The following DLGAP2 variants were observed in gnomAD, a reference collection of about 807,000 sequenced individuals.
The protein encoded by DLGAP2 is DLG associated protein 2, also known as disks large-associated protein 2.
DLGAP2 carries 26 observed loss-of-function variants against 100.3 expected under a neutral mutation model. The ratio of observed to expected loss-of-function variants is 0.26; its 90% CI spans 0.19 to 0.36. The LOEUF is 0.36. Ranked by LOEUF, DLGAP2 falls within the 10% of genes least tolerant of loss-of-function variation. The pLI is 1.00. For missense variants in DLGAP2, 1,858 were observed against 1,453.2 expected (o/e 1.28, Z -4.53); for synonymous variants, 886 against 630.1 (o/e 1.41, Z -6.08).
chr8:1,687,313 C>T (rs997411802), intron 12 of DLGAP2, among the ~76,000 whole-genome samples: 3 of 152,170 alleles, frequency 2.0e-5, no homozygotes, highest in African/African-American at 7.2e-5. Flanking sequence ...AATCAAATTT[C>T]TTTGTACATG....
intron 2 of DLGAP2, among the ~76,000 whole-genome samples, chr8:973,359 G>C (rs1370823397): frequency 6.6e-6 from 1 of 151,966 alleles, no homozygotes; most frequent in East Asian, 1.9e-4. Flanking sequence ...TCCCAGACGG[G>C]GTGGCTGCCG....
At chr8:1,520,182 G>T (rs1451599263) in intron 4 of DLGAP2, among the ~76,000 whole-genome samples, 2 of 152,196 alleles carry the variant, frequency 1.3e-5, no homozygotes, top group African/African-American at 2.4e-5. Context: ...TGGTTCATCA[G>T]CTATCGATGG....
rs12678439 is a variant in DLGAP2, at chr8:1,028,685, G to C, written c.73+120719G>C. Among the ~76,000 whole-genome samples the C allele has an allele frequency of 2.1e-3, 326 of 152,318 alleles. 2 individuals carry two copies. The highest frequency in any genetic ancestry group is 7.6e-3 in the African/African-American group (316 of 41,578). ...AGCCATCCAGGAGCTAGGGTGTGGA[G>C]ACAAAGGAGGCTGGTGGAGTTAAGA... On this transcript the variant is annotated intron_variant, in intron 2 of 14. Coordinates refer to ENST00000637795, the MANE Select transcript of DLGAP2 (RefSeq NM_001346810.2).
chr8:1,288,304 GGTT>G (rs1292740518), intron 3 of DLGAP2, among the ~76,000 whole-genome samples: 7 of 139,756 alleles, frequency 5.0e-5, no homozygotes, highest in South Asian at 2.4e-4. Context: ...GTGTGTGTGT[GGTT>G]GTTAGGAGGG....
At chr8:1,303,211 C>T (rs919033883) in intron 3 of DLGAP2, among the ~76,000 whole-genome samples, 5 of 152,140 alleles carry the variant, frequency 3.3e-5, no homozygotes, top group African/African-American at 7.2e-5. Context: ...TCCTGGCTAA[C>T]ACGGTGAAAC....
intron 3 of DLGAP2, chr8:1,380,937 C>CAAAAAAAAAAAAA (rs34675828): frequency 2.6e-5 from 2 of 77,100 alleles, no homozygotes; most frequent in African/African-American, 4.5e-5. Context: ...GAACATGATT[C>CAAAAAAAAAAAAA]AAAAAAAAAA....
chr8:1,056,020 C>G (rs975159222), intron 2 of DLGAP2, among the ~76,000 whole-genome samples: 2 of 152,176 alleles, frequency 1.3e-5, no homozygotes, highest in Admixed American at 6.5e-5. Flanking sequence ...GGAGGCAGCT[C>G]AGGGAGTTGA....
At chr8:980,669 G>A (rs557559002) in intron 2 of DLGAP2, among the ~76,000 whole-genome samples, 8 of 152,310 alleles carry the variant, frequency 5.3e-5, no homozygotes, top group South Asian at 2.1e-4. Flanking sequence ...TAAAGCAGCC[G>A]TGCTGAGGAA....
At chr8:865,308 C>G (rs1188566688) in intron 1 of DLGAP2, among the ~76,000 whole-genome samples, 5 of 152,198 alleles carry the variant, frequency 3.3e-5, no homozygotes, top group Non-Finnish European at 7.3e-5. Context: ...AGAGTTATTG[C>G]TACTAAACGC....
chr8:1,125,916 C>A (rs542276633), intron 2 of DLGAP2, among the ~76,000 whole-genome samples: 5 of 152,166 alleles, frequency 3.3e-5, no homozygotes, highest in Admixed American at 3.3e-4. Flanking sequence ...AAGGACCCAG[C>A]GAGCTTGGCA....
rs1405623355 is a variant in DLGAP2 at position 1,548,960 on chromosome 8, C to T, written c.507C>T (p.His169=). ...STFPRMHYSS[H]YDTRDDCAVA... ...TCCCGCGGATGCACTACAGCTCGCA[C>T]TACGACACGCGCGACGACTGCGCTG... The change falls in exon 5 of 15, where the codon CAC becomes CAT. Residue 169 remains histidine (H), a synonymous_variant. Transcript: ENST00000637795. 6.3e-7 allele frequency: 1 copy of T among 1,599,074 alleles called. No individual in the cohort carries two copies. Among genetic ancestry groups the T allele is most frequent in the Non-Finnish European group, 8.5e-7 (1 of 1,179,466 alleles).
At chr8:1,558,267 G>A (rs567929947) in intron 5 of DLGAP2, among the ~76,000 whole-genome samples, 7 of 152,324 alleles carry the variant, frequency 4.6e-5, no homozygotes, top group South Asian at 4.1e-4. Flanking sequence ...GTGCCCAGTC[G>A]CAGGCGGCTT....
At chr8:1,092,817 G>C (rs567112389) in intron 2 of DLGAP2, among the ~76,000 whole-genome samples, 3 of 152,320 alleles carry the variant, frequency 2.0e-5, no homozygotes, top group Non-Finnish European at 2.9e-5. Flanking sequence ...TCCAGCCACA[G>C]GGACGGATTC....
At chr8:830,817 G>C (rs1440618480) in intron 1 of DLGAP2, among the ~76,000 whole-genome samples, 1 of 151,344 alleles carries the variant, frequency 6.6e-6, no homozygotes, top group Non-Finnish European at 1.5e-5. Context: ...TATGTAAGAA[G>C]TAAAATTTCT....
chr8:798,186 A>T (rs893114666), intron 1 of DLGAP2, among the ~76,000 whole-genome samples: 1 of 152,130 alleles, frequency 6.6e-6, no homozygotes, highest in African/African-American at 2.4e-5. Flanking sequence ...GGTGCTCAGG[A>T]CCTGCAGCCC....
intron 2 of DLGAP2, among the ~76,000 whole-genome samples, chr8:1,067,108 C>T (rs1472703463): frequency 6.6e-6 from 1 of 152,180 alleles, no homozygotes; most frequent in African/African-American, 2.4e-5. Context: ...TCTGACCCAG[C>T]CTCTCCGCAC....
intron 3 of DLGAP2, among the ~76,000 whole-genome samples, chr8:1,487,416 G>C (rs1482126410): frequency 6.6e-6 from 1 of 152,160 alleles, no homozygotes; most frequent in Non-Finnish European, 1.5e-5. Flanking sequence ...TTTAGAAAAT[G>C]AGAATAAAAA....
At chr8:1,290,344 G>A (rs987506943) in intron 3 of DLGAP2, among the ~76,000 whole-genome samples, 6 of 152,256 alleles carry the variant, frequency 3.9e-5, no homozygotes, top group Admixed American at 2.6e-4. Flanking sequence ...GCATATGATG[G>A]TCCCGCTTTA....
intron 1 of DLGAP2, among the ~76,000 whole-genome samples, chr8:902,003 T>C (rs570589598): frequency 6.6e-6 from 1 of 152,272 alleles, no homozygotes; most frequent in South Asian, 2.1e-4. Flanking sequence ...CCTGTGAGGT[T>C]CTGTGGTCAG....
Sources: gnomAD v4.1 joint callset for allele counts (sites outside exome capture counted in the v4.1 genomes callset) on GRCh38, gnomAD v4.1.1 for gene constraint, MANE v1.5 for transcripts, NCBI Gene and HGNC (gene_info 2026-07-23, HGNC 2026-07-21) for gene names.